Variants in NBAS observed in about 807,000 individuals in gnomAD.
NBAS encodes the protein NAG/BC035112 fusion.
A neutral mutation model predicts 302.5 loss-of-function variants in NBAS; 219 were observed. The ratio of observed to expected loss-of-function variants is 0.72; its 90% CI spans 0.65 to 0.81. NBAS has a LOEUF of 0.81. Ranked by LOEUF, NBAS falls within the 30% of genes least tolerant of loss-of-function variation. The pLI is 0.00. For synonymous variants in NBAS, 1,118 were observed against 1,021.6 expected (o/e 1.09, Z -1.80); for missense variants, 2,932 against 2,841.6 (o/e 1.03, Z -0.72).
At chr2:15,148,024 G>T in the NBAS span, among the ~76,000 whole-genome samples, 3 of 152,174 alleles carry the variant, frequency 2.0e-5, 1 homozygote, top group South Asian at 6.2e-4. Context: ...GAGATCCCCA[G>T]ACATGCTTCT....
the NBAS span, among the ~76,000 whole-genome samples, chr2:15,089,742 C>CTTT: frequency 1.1e-3 from 86 of 78,836 alleles, 1 homozygote; most frequent in Non-Finnish European, 1.5e-3. Flanking sequence ...TGGGTCAGGA[C>CTTT]TTTTTTTTTT....
rs374055056 is a variant in NBAS, at chr2:15,381,042, T to C, written c.3361-1211A>G. 6.6e-5 allele frequency among the ~76,000 whole-genome samples: 10 copies of C among 152,338 alleles called. No individual in the cohort carries two copies. The East Asian group carries it at 1.9e-3, about 29-fold the overall frequency. ...TAAAGAGCAACCCTAATCACTTATATCTGACAGATAAAAATGGCTTACAAT... is the reference window on the plus strand; with the variant it reads ...TAAAGAGCAACCCTAATCACTTATACCTGACAGATAAAAATGGCTTACAAT... On this transcript the variant is annotated intron_variant, in intron 29 of 51. Coordinates refer to ENST00000281513, the MANE Select transcript of NBAS (RefSeq NM_015909.4).
chr2:15,179,308 T>A, intron 50 of NBAS, 192 bp from the exon 51 acceptor site: 1 of 731,208 alleles, frequency 1.4e-6, no homozygotes, highest in Non-Finnish European at 2.3e-6. Context: ...GTAAACTGTG[T>A]ACAGATTTCC....
At chr2:15,235,349 C>T (rs1203011193) in intron 45 of NBAS, among the ~76,000 whole-genome samples, 1 of 152,166 alleles carries the variant, frequency 6.6e-6, no homozygotes, top group Admixed American at 6.5e-5. Flanking sequence ...AAAGTCTATT[C>T]CCCTGCCCTA....
At chr2:15,349,741 G>A (rs1172786923) in intron 35 of NBAS, among the ~76,000 whole-genome samples, 1 of 151,952 alleles carries the variant, frequency 6.6e-6, no homozygotes, top group Admixed American at 6.6e-5. Context: ...ATCACTTGAG[G>A]CCAGGAGTTC....
At chr2:14,873,842 CAT>C in the NBAS span, among the ~76,000 whole-genome samples, 1,674 of 134,978 alleles carry the variant, frequency 0.012, 30 homozygotes, top group African/African-American at 0.056. Context: ...TATTGCATTA[CAT>C]TTTTTTTTTA....
At position 15,277,114 on chromosome 2, in the gene NBAS, G is replaced by A. The variant is rs936554272; in HGVS notation, c.5139-13C>T. 1 of 1,612,896 alleles carries A rather than the reference G, an allele frequency of 6.2e-7. No individual in the cohort carries two copies. Among genetic ancestry groups the A allele is most frequent in the African/African-American group, 1.3e-5 (1 of 74,798 alleles). The stretch of plus-strand genomic sequence containing the variant: ...TAGTGTGGACAAACTGAAATTAAGA[G>A]CCAAAGGAACTGTGTTAAGATTTTG... On this transcript the variant is annotated splice_polypyrimidine_tract_variant and intron_variant, in intron 42 of 51. Transcript: ENST00000281513.
intron 9 of NBAS, among the ~76,000 whole-genome samples, chr2:15,530,626 C>T (rs574297736): frequency 6.6e-6 from 1 of 152,018 alleles, no homozygotes. Context: ...TATTTTACTT[C>T]TCTTTTTTCC....
the NBAS span, among the ~76,000 whole-genome samples, chr2:15,119,526 A>G: frequency 6.6e-6 from 1 of 151,868 alleles, no homozygotes; most frequent in South Asian, 2.1e-4. Context: ...TTTCTAGTAG[A>G]GACGGGGTTT....
At chr2:15,461,559 T>C (rs1679506077) in intron 20 of NBAS, 128 bp downstream of exon 20, 1 of 759,800 alleles carries the variant, frequency 1.3e-6, no homozygotes, top group African/African-American at 1.8e-5. Flanking sequence ...TAAAATTTTC[T>C]CTACACTTAT....
At chr2:15,019,218 T>C in the NBAS span, among the ~76,000 whole-genome samples, 1 of 152,168 alleles carries the variant, frequency 6.6e-6, no homozygotes, top group Non-Finnish European at 1.5e-5. Flanking sequence ...GATACAGACA[T>C]TGTTGCAAAA....
At chr2:15,486,011 C>T (rs749805821) in intron 12 of NBAS, among the ~76,000 whole-genome samples, 8 of 152,182 alleles carry the variant, frequency 5.3e-5, no homozygotes, top group Non-Finnish European at 7.3e-5. Flanking sequence ...AGGGCAGAGT[C>T]TGCCCTATCC....
chr2:15,093,610 T>G, the NBAS span, among the ~76,000 whole-genome samples: 1 of 152,210 alleles, frequency 6.6e-6, no homozygotes, highest in East Asian at 1.9e-4. Flanking sequence ...TCGCCAGCAA[T>G]GTGGACAAAG....
the NBAS span, among the ~76,000 whole-genome samples, chr2:14,864,421 A>G: frequency 3.3e-5 from 5 of 152,142 alleles, no homozygotes; most frequent in Admixed American, 3.3e-4. Flanking sequence ...AGGTAGCCAT[A>G]GGGTAACCAG....
chr2:15,484,881 C>A (rs1286401340), intron 12 of NBAS, among the ~76,000 whole-genome samples: 2 of 152,114 alleles, frequency 1.3e-5, no homozygotes, highest in Non-Finnish European at 2.9e-5. Flanking sequence ...ACCTACTCTA[C>A]TGTACAGTCC....
chr2:15,451,366 T>C (rs1178285476), intron 21 of NBAS, among the ~76,000 whole-genome samples: 3 of 152,124 alleles, frequency 2.0e-5, no homozygotes, highest in East Asian at 1.9e-4. Flanking sequence ...ACATTCTAAA[T>C]TGAAAGCTGC....
chr2:14,856,307 A>G, the NBAS span, among the ~76,000 whole-genome samples: 4 of 152,180 alleles, frequency 2.6e-5, no homozygotes, highest in Admixed American at 2.6e-4. Context: ...AATATCTGAA[A>G]AGCCTTCCTA....
At chr2:15,374,520 A>T in intron 31 of NBAS, 88 bp downstream of exon 31, 1 of 1,092,244 alleles carries the variant, frequency 9.2e-7, no homozygotes, top group Non-Finnish European at 1.4e-6. Flanking sequence ...GACCAAAGCT[A>T]CTCTTTAGTT....
chr2:15,511,376 T>G, intron 9 of NBAS, 26 bp from the exon 10 acceptor site: 5 of 1,606,708 alleles, frequency 3.1e-6, no homozygotes, highest in Non-Finnish European at 4.3e-6. Context: ...TTTTTAAAAA[T>G]CGATAAATTG....
Sources: allele counts gnomAD v4.1 joint callset (sites outside exome capture counted in the v4.1 genomes callset), GRCh38; gene constraint gnomAD v4.1.1; transcripts MANE v1.5; gene names NCBI Gene and HGNC (gene_info 2026-07-23, HGNC 2026-07-21).